Variants in DCUN1D4 observed in about 807,000 individuals in gnomAD.
The protein encoded by DCUN1D4 is defective in cullin neddylation 1 domain containing 4.
DCUN1D4 carries 22 observed loss-of-function variants against 47.9 expected under a neutral mutation model. The observed-to-expected ratio is 0.46, with a 90% CI of 0.33 to 0.66. The LOEUF (loss-of-function observed/expected upper bound fraction) is 0.66, where lower values mean the gene tolerates loss of function less well. Ranked by LOEUF, DCUN1D4 falls within the 30% of genes least tolerant of loss-of-function variation. The pLI, the probability that DCUN1D4 is intolerant of heterozygous loss-of-function variation, is 0.02. For synonymous variants in DCUN1D4, 121 were observed against 112.2 expected (o/e 1.08, Z -0.50); for missense variants, 301 against 340.8 (o/e 0.88, Z 0.92).
intron 3 of DCUN1D4, among the ~76,000 whole-genome samples, chr4:51,871,153 G>A (rs375758657): frequency 1.0e-4 from 15 of 150,214 alleles, no homozygotes; most frequent in African/African-American, 3.0e-4. Context: ...AAAAAGTCAT[G>A]CCTCTTAGTT....
intron 9 of DCUN1D4, among the ~76,000 whole-genome samples, chr4:51,911,439 A>G (rs1028879338): frequency 9.2e-5 from 14 of 152,058 alleles, no homozygotes; most frequent in African/African-American, 2.9e-4. Flanking sequence ...TCTCATCCCC[A>G]TTTTAAAGCT....
the DCUN1D4 span, among the ~76,000 whole-genome samples, chr4:51,837,748 CA>C: frequency 1.6e-4 from 22 of 135,474 alleles, no homozygotes; most frequent in East Asian, 6.5e-4. Flanking sequence ...CCAGGAGAGG[CA>C]AAAAAAAATC....
chr4:51,873,275 C>T (rs1277629975), intron 3 of DCUN1D4, among the ~76,000 whole-genome samples: 1 of 152,210 alleles, frequency 6.6e-6, no homozygotes, highest in African/African-American at 2.4e-5. Flanking sequence ...ATACCTAAGC[C>T]TTAGTTTTCC....
upstream of DCUN1D4, among the ~76,000 whole-genome samples, chr4:51,838,166 G>A (rs560937862): frequency 4.9e-4 from 74 of 152,162 alleles, no homozygotes; most frequent in Middle Eastern, 3.4e-3. Flanking sequence ...GTGATATATC[G>A]AAGTCGAGAA....
intron 3 of DCUN1D4, among the ~76,000 whole-genome samples, chr4:51,866,971 C>T (rs1577905977): frequency 6.6e-6 from 1 of 152,208 alleles, no homozygotes; most frequent in African/African-American, 2.4e-5. Flanking sequence ...CACTACTGGC[C>T]TGGATCCCAC....
intron 1 of DCUN1D4, chr4:51,844,440 G>A: frequency 1.6e-5 from 16 of 981,000 alleles, no homozygotes; most frequent in Non-Finnish European, 1.8e-5. Flanking sequence ...ACTAGGAGGC[G>A]GGGCAGGGGT....
chr4:51,909,753 G>A (rs183348229), intron 8 of DCUN1D4, among the ~76,000 whole-genome samples: 2 of 152,224 alleles, frequency 1.3e-5, no homozygotes, highest in African/African-American at 4.8e-5. Flanking sequence ...GAAGGGTGAT[G>A]TGGAGCCATC....
At chr4:51,881,177 T>C (rs554661622) in intron 5 of DCUN1D4, among the ~76,000 whole-genome samples, 23 of 152,266 alleles carry the variant, frequency 1.5e-4, no homozygotes, top group African/African-American at 5.1e-4. Context: ...TCTAATAACT[T>C]CCACTTTTTG....
At chr4:51,879,515 G>T (rs1309682546) in intron 5 of DCUN1D4, among the ~76,000 whole-genome samples, 1 of 152,204 alleles carries the variant, frequency 6.6e-6, no homozygotes, top group Non-Finnish European at 1.5e-5. Flanking sequence ...GCTGAGGCAG[G>T]AGAATCACTC....
At chr4:51,910,773 A>G (rs921504855) in intron 8 of DCUN1D4, 5 of 380,508 alleles carry the variant, frequency 1.3e-5, no homozygotes, top group Admixed American at 4.3e-5. Flanking sequence ...GTTTTTATTA[A>G]TCCCATGAAA....
In DCUN1D4 at chr4:51,860,172, A is replaced by G. The variant is rs117293584; in HGVS notation, c.26-3265A>G. On this transcript the variant is annotated intron_variant, in intron 1 of 10. Transcript: ENST00000334635. ...CTCCTTATGTTGATGAGACGAAAGA[A>G]AAATTATCCATGTTACTGGTTTCAT... Among the ~76,000 whole-genome samples, 98 of 152,276 alleles carry G rather than the reference A, an allele frequency of 6.4e-4. 2 individuals are homozygous for G. In the East Asian group the frequency reaches 0.014, roughly 22 times the overall value.
At chr4:51,895,155 G>T (rs1731042988) in intron 7 of DCUN1D4, among the ~76,000 whole-genome samples, 1 of 151,532 alleles carries the variant, frequency 6.6e-6, no homozygotes, top group Non-Finnish European at 1.5e-5. Context: ...AATTTCAGGG[G>T]GATACAAACA....
chr4:51,838,365 G>A (rs1224979097), upstream of DCUN1D4, among the ~76,000 whole-genome samples: 2 of 151,938 alleles, frequency 1.3e-5, 1 homozygote. Flanking sequence ...CTAAAAAGAG[G>A]CCTGGTTTCA....
At position 51,913,590 on chromosome 4, in the gene DCUN1D4, T is replaced by C. The variant is rs1734020604; in HGVS notation, c.*6T>C. On this transcript the variant is annotated 3_prime_UTR_variant, in exon 11 of 11. Coordinates refer to ENST00000334635, the MANE Select transcript of DCUN1D4 (RefSeq NM_001040402.3). The stretch of plus-strand genomic sequence containing the variant: ...AAGACAAACAGATGTCCTAGGACTT[T>C]ATGCATAGCAGCGAGAGAGTCACTG... The C allele has an allele frequency of 6.2e-7, 1 of 1,610,606 alleles. No homozygotes were observed. Among genetic ancestry groups the C allele is most frequent in the Non-Finnish European group, 8.5e-7 (1 of 1,177,884 alleles).
chr4:51,852,107 T>A (rs1420915636), intron 1 of DCUN1D4, among the ~76,000 whole-genome samples: 1 of 152,084 alleles, frequency 6.6e-6, no homozygotes, highest in Non-Finnish European at 1.5e-5. Flanking sequence ...TTGGAATGAG[T>A]CCCAGCAGGA....
rs1484967419 is a variant in DCUN1D4, at chr4:51,913,913, T to C, written c.*329T>C. 4.4e-6 allele frequency: 1 copy of C among 229,102 alleles called. No homozygotes were observed. Among genetic ancestry groups the C allele is most frequent in the African/African-American group, 2.3e-5 (1 of 44,154 alleles). The allele number at this position is 229,102 out of a possible 1,614,324, so 14.2% of individuals were successfully genotyped here. On this transcript the variant is annotated 3_prime_UTR_variant, in exon 11 of 11. Coordinates refer to ENST00000334635, the MANE Select transcript of DCUN1D4 (RefSeq NM_001040402.3). ...CTAGAGATTATTTCTGAAAAATGTA[T>C]TGTAAAAATAATTTTGTGGCATTTC...
intron 1 of DCUN1D4, among the ~76,000 whole-genome samples, chr4:51,854,587 C>A (rs1044625839): frequency 6.6e-6 from 1 of 152,288 alleles, no homozygotes; most frequent in East Asian, 1.9e-4. Flanking sequence ...CCTTTAATAG[C>A]CAACTTATTG....
At chr4:51,835,497 T>C in the DCUN1D4 span, among the ~76,000 whole-genome samples, 2 of 152,198 alleles carry the variant, frequency 1.3e-5, no homozygotes, top group Admixed American at 6.5e-5. Context: ...AAAATGTGAA[T>C]GGAGGTTTAG....
At position 51,843,180 on chromosome 4, in the gene DCUN1D4, G is replaced by GT. The variant is rs914557063; in HGVS notation, c.-62dup. ...CTTCGAGCCGAGGTGCAGTGAGCTG[G>GT]TGGGGGGACCGCGAGGCGAGCGCGG... On this transcript the variant is annotated 5_prime_UTR_variant, in exon 1 of 11. Transcript: ENST00000334635. 3 of 1,535,242 alleles carry GT rather than the reference G, an allele frequency of 2.0e-6. No individual in the cohort carries two copies. In the African/African-American group the frequency reaches 4.2e-5, roughly 21 times the overall value.
Sources: gnomAD v4.1 joint callset for allele counts (sites outside exome capture counted in the v4.1 genomes callset) on GRCh38, gnomAD v4.1.1 for gene constraint, MANE v1.5 for transcripts, NCBI Gene and HGNC (gene_info 2026-07-23, HGNC 2026-07-21) for gene names.